The following QTMAN variants were observed in gnomAD, a reference collection of about 807,000 sequenced individuals.
QTMAN encodes tRNA-queuosine alpha-mannosyltransferase.
chr2:144,105,205 C>A, the QTMAN span, among the ~76,000 whole-genome samples: 1 of 152,150 alleles, frequency 6.6e-6, no homozygotes, highest in Admixed American at 6.5e-5. Context: ...CGCCTCTCCC[C>A]CTCCAAAGGA....
At chr2:144,017,606 G>C in the QTMAN span, among the ~76,000 whole-genome samples, 1 of 152,162 alleles carries the variant, frequency 6.6e-6, no homozygotes, top group African/African-American at 2.4e-5. Context: ...CCTGAGAAAA[G>C]TCTTTTCTAT....
chr2:144,258,497 A>G, the QTMAN span, among the ~76,000 whole-genome samples: 1 of 152,326 alleles, frequency 6.6e-6, no homozygotes, highest in African/African-American at 2.4e-5. Context: ...ATCAGTCACC[A>G]TTATCTGGAG....
At chr2:144,019,435 G>GGGGTGTGTGTGTGTGTGTGT in the QTMAN span, among the ~76,000 whole-genome samples, 26 of 117,274 alleles carry the variant, frequency 2.2e-4, no homozygotes, top group South Asian at 3.6e-4. Context: ...TAAGCATGCA[G>GGGGTGTGTGTGTGTGTGTGT]GTGTGTGTGT....
the QTMAN span, among the ~76,000 whole-genome samples, chr2:143,951,217 C>T: frequency 2.0e-5 from 3 of 151,364 alleles, no homozygotes; most frequent in East Asian, 1.9e-4. Context: ...ATGCTACATT[C>T]GAAGAATATA....
At chr2:144,233,052 G>T in the QTMAN span, among the ~76,000 whole-genome samples, 1 of 152,094 alleles carries the variant, frequency 6.6e-6, no homozygotes, top group Non-Finnish European at 1.5e-5. Context: ...CTAAAAGTGA[G>T]TATTCAATTT....
At chr2:144,069,045 A>G in the QTMAN span, among the ~76,000 whole-genome samples, 1 of 152,082 alleles carries the variant, frequency 6.6e-6, no homozygotes, top group Admixed American at 6.5e-5. Context: ...CCTCTTTTTC[A>G]CAAGTTTTAA....
the QTMAN span, among the ~76,000 whole-genome samples, chr2:144,058,133 AACACAC>A: frequency 0.03 from 2,912 of 97,000 alleles, 191 homozygotes; most frequent in African/African-American, 0.13. Context: ...CACCCCGCTA[AACACAC>A]ACACACACAC....
chr2:143,981,355 T>TTA, the QTMAN span, among the ~76,000 whole-genome samples: 1 of 152,064 alleles, frequency 6.6e-6, no homozygotes, highest in South Asian at 2.1e-4. Flanking sequence ...TTTTCTTAAA[T>TTA]GGAGAATTAA....
At chr2:144,129,673 A>G in the QTMAN span, among the ~76,000 whole-genome samples, 1 of 152,048 alleles carries the variant, frequency 6.6e-6, no homozygotes, top group Admixed American at 6.6e-5. Context: ...CAATCCACTT[A>G]CCATCATTCA....
At chr2:144,298,855 T>A in the QTMAN span, among the ~76,000 whole-genome samples, 121 of 152,334 alleles carry the variant, frequency 7.9e-4, no homozygotes, top group Non-Finnish European at 9.3e-4. Context: ...CTTCCAATGG[T>A]ATACTCCTCC....
the QTMAN span, among the ~76,000 whole-genome samples, chr2:144,268,929 A>G: frequency 9.2e-5 from 14 of 152,258 alleles, no homozygotes; most frequent in Non-Finnish European, 1.6e-4. Flanking sequence ...AGCTGGGATT[A>G]CAGGCACCTG....
the QTMAN span, among the ~76,000 whole-genome samples, chr2:143,995,063 A>G: frequency 6.6e-6 from 1 of 152,124 alleles, no homozygotes; most frequent in African/African-American, 2.4e-5. Context: ...ATAATTTGTG[A>G]TATTTACAGT....
chr2:144,163,152 A>C, the QTMAN span, among the ~76,000 whole-genome samples: 1 of 152,154 alleles, frequency 6.6e-6, no homozygotes, highest in Non-Finnish European at 1.5e-5. Context: ...TAAATATACT[A>C]TTATTAAAGC....
At chr2:144,167,030 A>G in the QTMAN span, among the ~76,000 whole-genome samples, 2 of 152,126 alleles carry the variant, frequency 1.3e-5, no homozygotes, top group African/African-American at 2.4e-5. Flanking sequence ...TCAAGTTTCT[A>G]CTTTCATGAA....
chr2:144,087,448 C>T, the QTMAN span, among the ~76,000 whole-genome samples: 2 of 152,044 alleles, frequency 1.3e-5, no homozygotes, highest in East Asian at 3.8e-4. Context: ...AACTTCCTAA[C>T]TCATTCTATG....
chr2:144,254,796 C>G, the QTMAN span, among the ~76,000 whole-genome samples: 1 of 152,346 alleles, frequency 6.6e-6, no homozygotes, highest in Admixed American at 6.5e-5. Flanking sequence ...CAGAGCTGCC[C>G]AAGGCCACAG....
the QTMAN span, among the ~76,000 whole-genome samples, chr2:144,026,432 A>AAAAT: frequency 2.8e-4 from 42 of 152,272 alleles, no homozygotes; most frequent in African/African-American, 9.6e-4. Context: ...TTCCATCTCA[A>AAAAT]AAATAAATAA....
At chr2:144,163,906 C>T in the QTMAN span, among the ~76,000 whole-genome samples, 1 of 151,562 alleles carries the variant, frequency 6.6e-6, no homozygotes, top group East Asian at 1.9e-4. Context: ...ACTAGCTATG[C>T]GATTTAGGGA....
the QTMAN span, among the ~76,000 whole-genome samples, chr2:144,220,901 T>C: frequency 6.6e-6 from 1 of 152,232 alleles, no homozygotes; most frequent in African/African-American, 2.4e-5. Flanking sequence ...CCTTGTTCAA[T>C]GTACCCACCT....
Sources: allele counts gnomAD v4.1 joint callset (sites outside exome capture counted in the v4.1 genomes callset), GRCh38; gene constraint gnomAD v4.1.1; transcripts MANE v1.5; gene names NCBI Gene and HGNC (gene_info 2026-07-23, HGNC 2026-07-21).